Variants in MTCL2 observed in about 807,000 individuals in gnomAD.
MTCL2 encodes the protein microtubule crosslinking factor 2.
At chr20:36,780,909 G>A in the MTCL2 span, 2 of 152,108 alleles carry the variant, frequency 1.3e-5, no homozygotes, top group Non-Finnish European at 2.9e-5. Flanking sequence ...AGAAGAGTTC[G>A]TCTCCTGGGG....
chr20:36,806,194 C>T, the MTCL2 span, among the ~76,000 whole-genome samples: 32 of 152,298 alleles, frequency 2.1e-4, no homozygotes, highest in Non-Finnish European at 3.8e-4. Flanking sequence ...GCCACACGCA[C>T]TCCCACAATG....
At chr20:36,861,539 CA>C in the MTCL2 span, among the ~76,000 whole-genome samples, 1 of 145,354 alleles carries the variant, frequency 6.9e-6, no homozygotes, top group South Asian at 2.2e-4. Context: ...AGAAGAGCCA[CA>C]AGGAAAAGTT....
the MTCL2 span, among the ~76,000 whole-genome samples, chr20:36,813,672 G>A: frequency 2.0e-5 from 3 of 147,296 alleles, no homozygotes; most frequent in Admixed American, 7.0e-5. Context: ...CCCGGAAGGC[G>A]GAGACAGGAG....
chr20:36,825,352 C>T, the MTCL2 span, among the ~76,000 whole-genome samples: 2 of 152,184 alleles, frequency 1.3e-5, no homozygotes, highest in African/African-American at 2.4e-5. Flanking sequence ...ACACCATGTC[C>T]GTGGGAAGGC....
chr20:36,850,000 T>C, the MTCL2 span, among the ~76,000 whole-genome samples: 1 of 152,084 alleles, frequency 6.6e-6, no homozygotes, highest in Admixed American at 6.6e-5. Context: ...AGGTTGCCTC[T>C]TGCCAGCCAC....
chr20:36,836,361 T>C, the MTCL2 span, among the ~76,000 whole-genome samples: 1 of 142,080 alleles, frequency 7.0e-6, no homozygotes, highest in Non-Finnish European at 1.5e-5. Flanking sequence ...TTTTTTTTTT[T>C]TTTTTTGAGA....
chr20:36,849,470 T>C, the MTCL2 span, among the ~76,000 whole-genome samples: 7 of 152,154 alleles, frequency 4.6e-5, no homozygotes, highest in Non-Finnish European at 1.0e-4. Context: ...GGTCCCTCTG[T>C]GTCACCCAGG....
At chr20:36,823,676 C>T in the MTCL2 span, among the ~76,000 whole-genome samples, 2 of 152,032 alleles carry the variant, frequency 1.3e-5, no homozygotes, top group East Asian at 1.9e-4. Context: ...GGTGTGGTGG[C>T]GTGCGCCTAT....
chr20:36,851,234 T>C, the MTCL2 span, among the ~76,000 whole-genome samples: 1 of 152,116 alleles, frequency 6.6e-6, no homozygotes, highest in Non-Finnish European at 1.5e-5. Context: ...ATACAGTATA[T>C]TGTATATAGT....
chr20:36,797,011 G>C, the MTCL2 span: 1 of 1,505,840 alleles, frequency 6.6e-7, no homozygotes, highest in Non-Finnish European at 9.2e-7. Context: ...TAAGGGCATG[G>C]AACAAGAGAC....
the MTCL2 span, chr20:36,803,008 C>A: frequency 1.3e-6 from 2 of 1,599,392 alleles, no homozygotes; most frequent in Admixed American, 1.7e-5. Context: ...CTGTAGGACT[C>A]AGCTAGGAGG....
chr20:36,785,457 C>T, the MTCL2 span: 2 of 985,222 alleles, frequency 2.0e-6, no homozygotes, highest in African/African-American at 3.5e-5. Context: ...TTTCCAGGCC[C>T]CAGTCTACTG....
At chr20:36,858,463 AACACACACAC>A in the MTCL2 span, among the ~76,000 whole-genome samples, 561 of 24,926 alleles carry the variant, frequency 0.023, 42 homozygotes, top group African/African-American at 0.028. Flanking sequence ...AAGGAGGGAA[AACACACACAC>A]ACACACACAC....
At chr20:36,806,797 G>C in the MTCL2 span, among the ~76,000 whole-genome samples, 269 of 152,314 alleles carry the variant, frequency 1.8e-3, no homozygotes, top group Admixed American at 3.5e-3. Flanking sequence ...TGAGATTACA[G>C]GTGTGAGCCA....
the MTCL2 span, among the ~76,000 whole-genome samples, chr20:36,861,964 G>A: frequency 1.3e-5 from 2 of 152,224 alleles, no homozygotes; most frequent in African/African-American, 4.8e-5. Context: ...GGCCACGAGG[G>A]GCCAATGGGG....
At chr20:36,808,756 A>G in the MTCL2 span, 1 of 1,564,958 alleles carries the variant, frequency 6.4e-7, no homozygotes, top group Non-Finnish European at 8.6e-7. Context: ...GCCGGGGGAC[A>G]AGAGCTTGAG....
the MTCL2 span, among the ~76,000 whole-genome samples, chr20:36,861,713 A>G: frequency 6.6e-6 from 1 of 152,318 alleles, no homozygotes; most frequent in Non-Finnish European, 1.5e-5. Flanking sequence ...GAGCTCAGGA[A>G]GCTTCCAGCC....
chr20:36,832,582 C>T, the MTCL2 span, among the ~76,000 whole-genome samples: 81 of 152,166 alleles, frequency 5.3e-4, no homozygotes, highest in Admixed American at 1.0e-3. Flanking sequence ...GCCTATAATC[C>T]CAACACTTTG....
At chr20:36,800,858 T>G in the MTCL2 span, among the ~76,000 whole-genome samples, 2 of 152,216 alleles carry the variant, frequency 1.3e-5, no homozygotes, top group African/African-American at 4.8e-5. Flanking sequence ...CTTCTCACTG[T>G]GCAGCTGGCA....
Sources: gnomAD v4.1 joint callset for allele counts (sites outside exome capture counted in the v4.1 genomes callset) on GRCh38, gnomAD v4.1.1 for gene constraint, MANE v1.5 for transcripts, NCBI Gene and HGNC (gene_info 2026-07-23, HGNC 2026-07-21) for gene names.